The following DBH variants were observed in gnomAD, a reference collection of about 807,000 sequenced individuals.
DBH encodes the protein dopamine beta-hydroxylase (dopamine beta-monooxygenase).
DBH carries 49 observed loss-of-function variants against 64.0 expected under a neutral mutation model. The ratio of observed to expected loss-of-function variants is 0.77; its 90% CI spans 0.61 to 0.97. The LOEUF (loss-of-function observed/expected upper bound fraction) is 0.97. Ranked by LOEUF, DBH falls within the 50% of genes least tolerant of loss-of-function variation. The pLI, the probability that DBH is intolerant of heterozygous loss-of-function variation, is 0.00. For missense variants in DBH, 828 were observed against 826.6 expected, an observed-to-expected ratio of 1.00 and a Z score of -0.02; for synonymous variants, 343 against 347.1, an observed-to-expected ratio of 0.99 and a Z score of 0.13.
At position 133,642,346 on chromosome 9, in the gene DBH, C is replaced by T. The variant is rs1215503329; in HGVS notation, c.626C>T (p.Ser209Leu). 3.1e-6 allele frequency: 5 copies of T among 1,614,066 alleles called. No homozygotes were observed. The highest frequency in any genetic ancestry group is 4.2e-6 in the Non-Finnish European group (5 of 1,180,030). Residue 209 changes from serine (S) to leucine (L), a missense_variant, in exon 3 of 12, where the codon TCA becomes TTA. Ser to Leu is a moderately radical substitution (Grantham distance 145). Transcript: ENST00000393056. ...KPNIPEPELP[S>L]DACTMEVQAP... is the part of the protein sequence containing the mutation. ...AATATCCCCGAACCGGAGTTGCCCT[C>T]AGACGCGTGCACCATGGAGGTCCAA... is the stretch of plus-strand genomic sequence containing the variant.
Position 133,642,352 on chromosome 9 carries a change from C to A in DBH, c.632C>A (p.Ala211Glu). The part of the protein sequence containing the change: ...NIPEPELPSD[A>E]CTMEVQAPNI... ...CCCGAACCGGAGTTGCCCTCAGACG[C>A]GTGCACCATGGAGGTCCAAGCTCCC... Residue 211 changes from alanine (A) to glutamate (E), a missense_variant, in exon 3 of 12, where the codon GCG (alanine) becomes GAG (glutamate). Coordinates refer to ENST00000393056, the MANE Select transcript of DBH (RefSeq NM_000787.4). 2 of 1,614,160 alleles carry A rather than the reference C, an allele frequency of 1.2e-6. No individual in the cohort carries two copies. The highest frequency in any genetic ancestry group is 1.7e-6 in the Non-Finnish European group (2 of 1,180,028).
Position 133,639,867 on chromosome 9 carries a change from G to A in DBH, c.361G>A (p.Gly121Arg). 6.2e-7 allele frequency: 1 copy of A among 1,612,106 alleles called. No homozygotes were observed. The highest frequency in any genetic ancestry group is 8.5e-7 in the Non-Finnish European group (1 of 1,179,448). The stretch of plus-strand genomic sequence containing the variant: ...GCAGGACGCCTGGAGTGACCAGAAG[G>A]GGCAGATCCACCTGGATCCCCAGCA... ...YFADAWSDQK[G>R]QIHLDPQQDY... The change falls in exon 2 of 12, where the codon GGG becomes AGG. Residue 121 changes from glycine (G) to arginine (R), a missense_variant. Coordinates refer to ENST00000393056, the MANE Select transcript of DBH (RefSeq NM_000787.4).
At chr9:133,653,667 G>A (rs1382809642) in intron 9 of DBH, among the ~76,000 whole-genome samples, 12 of 152,096 alleles carry the variant, frequency 7.9e-5, no homozygotes, top group Admixed American at 4.6e-4. Flanking sequence ...CAGGATGAGC[G>A]TCAGCTGAGG....
At chr9:133,644,143 G>T in intron 4 of DBH, 75 bp from the exon 5 acceptor site, 2 of 1,106,568 alleles carry the variant, frequency 1.8e-6, no homozygotes, top group South Asian at 1.2e-5. Flanking sequence ...CCCAACAGTT[G>T]ACTGGGTTTG....
At chr9:133,648,715 C>T (rs532311535) in intron 6 of DBH, among the ~76,000 whole-genome samples, 2 of 152,366 alleles carry the variant, frequency 1.3e-5, no homozygotes, top group Non-Finnish European at 2.9e-5. Context: ...CTGGCGCCAA[C>T]AGCAGGTCCT....
At chr9:133,645,280 C>A (rs1016651798) in intron 5 of DBH, among the ~76,000 whole-genome samples, 1 of 151,968 alleles carries the variant, frequency 6.6e-6, no homozygotes, top group Non-Finnish European at 1.5e-5. Context: ...TAATACCTTC[C>A]GCCACTGTTG....
At chr9:133,640,992 C>T (rs1158672442) in intron 2 of DBH, among the ~76,000 whole-genome samples, 4 of 152,102 alleles carry the variant, frequency 2.6e-5, no homozygotes, top group Non-Finnish European at 1.5e-5. Flanking sequence ...TGATTTAGGG[C>T]TGAGGCAATA....
chr9:133,637,349 GA>G (rs1203498678), intron 1 of DBH, among the ~76,000 whole-genome samples: 2 of 152,216 alleles, frequency 1.3e-5, no homozygotes, highest in African/African-American at 2.4e-5. Context: ...GGAGAAAGGG[GA>G]AAAGTTTCCC....
intron 6 of DBH, among the ~76,000 whole-genome samples, chr9:133,649,020 C>T (rs982013129): frequency 2.4e-4 from 36 of 152,160 alleles, no homozygotes; most frequent in Admixed American, 5.9e-4. Context: ...ACACATAGGA[C>T]GAGAGGGTGC....
At position 133,651,663 on chromosome 9, in the gene DBH, C is replaced by G. The variant is rs367783759; in HGVS notation, c.1221C>G (p.Phe407Leu). Residue 407 changes from phenylalanine (F) to leucine (L), a missense_variant, in exon 7 of 12, where the codon TTC becomes TTG. Transcript: ENST00000393056. ...TGCCTCCCTCCGGGATCCACATCTT[C>G]GCCTCTCAGCTCCACACACACCTGA... ...LALPPSGIHI[F>L]ASQLHTHLTG... 18 of 1,613,730 alleles carry G rather than the reference C, an allele frequency of 1.1e-5. No individual in the cohort carries two copies. Among genetic ancestry groups the G allele is most frequent in the Admixed American group, 1.7e-5 (1 of 60,014 alleles).
In DBH at chr9:133,643,664, T is replaced by G; in HGVS notation, c.921+75T>G. ...ATCCCCACACCTCTGTTTCCCCAGC[T>G]TCACCGTCTCAGAGGCTTCAAGAAG... On this transcript the variant is annotated intron_variant, in intron 4 of 11. Transcript: ENST00000393056. The surrounding 1 kb of genome is among the most constrained non-coding windows in gnomAD (Gnocchi z 5.3). The G allele has an allele frequency of 6.4e-7, 1 of 1,557,748 alleles. No individual in the cohort carries two copies.
At chr9:133,641,976 TAGAAG>T (rs1460089617) in intron 2 of DBH, among the ~76,000 whole-genome samples, 2 of 152,172 alleles carry the variant, frequency 1.3e-5, no homozygotes, top group African/African-American at 2.4e-5. Context: ...GGAATGTGTT[TAGAAG>T]AGAAAAGTAT....
At position 133,651,583 on chromosome 9, in the gene DBH, A is replaced by G. The variant is rs577183780; in HGVS notation, c.1192-51A>G. On this transcript the variant is annotated intron_variant, in intron 6 of 11. Coordinates refer to ENST00000393056, the MANE Select transcript of DBH (RefSeq NM_000787.4). ...CTACCGGGTCCTGGCCATGGACGGGAGGGTCCCCTCGGGGGTCAGGCCCTG... is the reference window on the plus strand; with the variant it reads ...CTACCGGGTCCTGGCCATGGACGGGGGGGTCCCCTCGGGGGTCAGGCCCTG... 156 of 1,610,304 alleles carry G rather than the reference A, an allele frequency of 9.7e-5. 1 individual carries two copies. The highest frequency in any genetic ancestry group is 5.5e-5 in the Non-Finnish European group (65 of 1,179,332).
At chr9:133,651,373 G>C (rs1004382220) in intron 6 of DBH, among the ~76,000 whole-genome samples, 28 of 151,636 alleles carry the variant, frequency 1.8e-4, no homozygotes, top group African/African-American at 6.8e-4. Context: ...AGGAGAGGAT[G>C]AAGGACTCGG....
chr9:133,647,519 G>A lies in DBH; in HGVS notation c.1025-327G>A, dbSNP rs137940656. Among the ~76,000 whole-genome samples the A allele has an allele frequency of 1.4e-4, 22 of 152,326 alleles. No individual in the cohort carries two copies. The East Asian group carries it at 3.5e-3, about 24-fold the overall frequency. On this transcript the variant is annotated intron_variant, in intron 5 of 11. Transcript: ENST00000393056. ...TCCGTCTATCAGCAGCATCTCACCCGCACCTGATTCCATGGAGGCTTTAAG... is the reference window on the plus strand; with the variant it reads ...TCCGTCTATCAGCAGCATCTCACCCACACCTGATTCCATGGAGGCTTTAAG...
intron 9 of DBH, 78 bp downstream of exon 9, chr9:133,653,077 C>T (rs1564213682): frequency 5.4e-6 from 6 of 1,118,380 alleles, no homozygotes; most frequent in Non-Finnish European, 8.2e-6. Context: ...GATGACAGGT[C>T]TTGACTCCTC....
rs1564215696 is a variant in DBH at position 133,657,418 on chromosome 9, GAGAGAGGA to G, written c.1722+190_1722+197del. On this transcript the variant is annotated intron_variant, in intron 11 of 11. Coordinates refer to ENST00000393056, the MANE Select transcript of DBH (RefSeq NM_000787.4). ...GCCAGCAGAGAGAGAGGAGAGAGGA[GAGAGAGGA>G]GAGAGAGGAGAGAGAGGAGAGAGAG... is the stretch of plus-strand genomic sequence containing the variant. 2.8e-4 allele frequency: 94 copies of G among 331,362 alleles called. 2 individuals carry two copies. Among genetic ancestry groups the G allele is most frequent in the African/African-American group, 4.9e-4 (6 of 12,324 alleles). 20.5% of individuals were successfully genotyped at this position (331,362 alleles called of 1,614,324 possible).
chr9:133,657,440 GA>G lies in DBH; in HGVS notation c.1722+212del, dbSNP rs1406460531. ...GGAGAGAGAGGAGAGAGAGGAGAGA[GA>G]GGAGAGAGAGGAGAGAGGGAGAGGG... On this transcript the variant is annotated intron_variant, in intron 11 of 11. Coordinates refer to ENST00000393056, the MANE Select transcript of DBH (RefSeq NM_000787.4). The G allele has an allele frequency of 1.4e-3, 760 of 538,924 alleles. 16 individuals are homozygous for G. The highest frequency in any genetic ancestry group is 1.3e-3 in the Admixed American group (46 of 34,996). 33.4% of individuals were successfully genotyped at this position (538,924 alleles called of 1,614,324 possible).
intron 2 of DBH, 95 bp downstream of exon 2, chr9:133,640,087 A>G (rs1315593043): frequency 4.6e-6 from 7 of 1,512,450 alleles, no homozygotes; most frequent in Non-Finnish European, 6.4e-6. Flanking sequence ...TGTCCCTGAT[A>G]AGTCTGGGGC....
Sources: allele counts gnomAD v4.1 joint callset (sites outside exome capture counted in the v4.1 genomes callset), GRCh38; gene constraint gnomAD v4.1.1; non-coding constraint Gnocchi (gnomAD v3.1); transcripts MANE v1.5; gene names NCBI Gene and HGNC (gene_info 2026-07-23, HGNC 2026-07-21).